DOCK10: variants seen among roughly 807,000 people sequenced by gnomAD.
DOCK10 encodes dedicator of cytokinesis protein 10.
In DOCK10, 145 loss-of-function variants were observed where a neutral mutation model predicts 280.1. The ratio of observed to expected loss-of-function variants is 0.52; its 90% CI spans 0.45 to 0.59. The LOEUF (loss-of-function observed/expected upper bound fraction) is 0.59. Ranked by LOEUF, DOCK10 falls within the 20% of genes least tolerant of loss-of-function variation. The pLI, the probability that DOCK10 is intolerant of heterozygous loss-of-function variation, is 0.00. For synonymous variants in DOCK10, 915 were observed against 942.2 expected, an observed-to-expected ratio of 0.97 and a Z score of 0.53; for missense variants, 2,368 against 2,651.7, an observed-to-expected ratio of 0.89 and a Z score of 2.35.
intron 7 of DOCK10, among the ~76,000 whole-genome samples, chr2:224,884,440 C>T (rs6750856): frequency 0.24 from 36,448 of 152,088 alleles, 6,071 homozygotes; most frequent in African/African-American, 0.48. Flanking sequence ...TGAGCCAGTG[C>T]CATTGTGAAA....
chr2:225,041,164 G>C (rs1198281571), intron 1 of DOCK10, among the ~76,000 whole-genome samples: 4 of 152,170 alleles, frequency 2.6e-5, no homozygotes, highest in Non-Finnish European at 5.9e-5. Flanking sequence ...GTGGGAACTG[G>C]CTCTGGGAAG....
At position 224,959,485 on chromosome 2, in the gene DOCK10, A is replaced by G. The variant is rs1000525405; in HGVS notation, c.124-27817T>C. Among the ~76,000 whole-genome samples the G allele has an allele frequency of 6.0e-5, 8 of 134,092 alleles. No individual in the cohort carries two copies. In the East Asian group the frequency reaches 1.7e-3, roughly 29 times the overall value. 88.0% of individuals were successfully genotyped at this position (134,092 alleles called of 152,430 possible). On this transcript the variant is annotated intron_variant, in intron 1 of 55. Coordinates refer to ENST00000258390, the MANE Select transcript of DOCK10 (RefSeq NM_014689.3). ...AAGTACCACTTAGGCAAGAAAAATG[A>G]TTTTTCAATCAGAGCTCCTCTTTCT...
intron 1 of DOCK10, among the ~76,000 whole-genome samples, chr2:224,931,906 T>A (rs1702407706): frequency 6.6e-6 from 1 of 152,214 alleles, no homozygotes; most frequent in South Asian, 2.1e-4. Context: ...CAAGCTGTTC[T>A]TATTGAGTCC....
At chr2:224,937,853 A>G (rs1445537913) in intron 1 of DOCK10, among the ~76,000 whole-genome samples, 1 of 152,210 alleles carries the variant, frequency 6.6e-6, no homozygotes, top group Non-Finnish European at 1.5e-5. Flanking sequence ...TCTAAAGAAC[A>G]ATCAATGTTG....
intron 19 of DOCK10, among the ~76,000 whole-genome samples, chr2:224,845,992 G>C (rs937227543): frequency 1.3e-5 from 2 of 152,200 alleles, no homozygotes; most frequent in Admixed American, 1.3e-4. Flanking sequence ...CCAAAGTGCT[G>C]GGATTACAGG....
At chr2:224,995,480 C>T (rs964997182) in intron 1 of DOCK10, among the ~76,000 whole-genome samples, 7 of 152,212 alleles carry the variant, frequency 4.6e-5, no homozygotes, top group Admixed American at 3.9e-4. Flanking sequence ...CAATAATACA[C>T]AGGAGGGCCT....
chr2:224,813,267 C>T (rs1236557524), intron 31 of DOCK10, among the ~76,000 whole-genome samples: 1 of 152,202 alleles, frequency 6.6e-6, no homozygotes, highest in Non-Finnish European at 1.5e-5. Flanking sequence ...ACGATCTTGG[C>T]TCACTGTAAC....
At position 224,786,979 on chromosome 2, in the gene DOCK10, G is replaced by T; in HGVS notation, c.5655+43C>A. 2.8e-6 allele frequency: 4 copies of T among 1,412,952 alleles called. No homozygotes were observed. Among genetic ancestry groups the T allele is most frequent in the Non-Finnish European group, 4.0e-6 (4 of 996,726 alleles). The allele number at this position is 1,412,952 out of a possible 1,614,324, so 87.5% of individuals were successfully genotyped here. On this transcript the variant is annotated intron_variant, in intron 50 of 55. Transcript: ENST00000258390. The surrounding 1 kb of genome is among the most constrained non-coding windows in gnomAD (Gnocchi z 4.7). ...AAAGAATGAAAGACAACATTCAACT[G>T]CTCAGCAGAATTTATGGGCCGTGTT... is the stretch of plus-strand genomic sequence containing the variant.
intron 1 of DOCK10, among the ~76,000 whole-genome samples, chr2:224,959,251 A>C (rs1226228258): frequency 2.0e-5 from 3 of 151,540 alleles, no homozygotes; most frequent in Non-Finnish European, 4.4e-5. Context: ...TGTATTCAAC[A>C]TCTATCGCTG....
chr2:224,872,555 C>A (rs1278471287), intron 11 of DOCK10, among the ~76,000 whole-genome samples: 1 of 152,140 alleles, frequency 6.6e-6, no homozygotes, highest in Non-Finnish European at 1.5e-5. Flanking sequence ...CAAAGCAAAT[C>A]ACTGAGGTGC....
chr2:224,796,885 G>T, intron 43 of DOCK10, 79 bp downstream of exon 43: 1 of 1,355,790 alleles, frequency 7.4e-7, no homozygotes, highest in Non-Finnish European at 1.0e-6. Flanking sequence ...GGCTTGCCCT[G>T]AGGACAGTAG....
intron 16 of DOCK10, 128 bp downstream of exon 16, chr2:224,854,835 C>A: frequency 3.2e-6 from 2 of 617,846 alleles, no homozygotes; most frequent in Non-Finnish European, 5.5e-6. Flanking sequence ...AAACCCAAAA[C>A]CTTGTAACCA....
At position 224,976,370 on chromosome 2, in the gene DOCK10, C is replaced by T. The variant is rs186010865; in HGVS notation, c.124-44702G>A. On this transcript the variant is annotated intron_variant, in intron 1 of 55. Coordinates refer to ENST00000258390, the MANE Select transcript of DOCK10 (RefSeq NM_014689.3). ...TACCTGTGTAACAAACCTGCACGTT[C>T]TGCACATGCATCCCAGAACTTAAAG... 5.5e-3 allele frequency among the ~76,000 whole-genome samples: 833 copies of T among 152,288 alleles called. 7 individuals carry two copies. Among genetic ancestry groups the T allele is most frequent in the African/African-American group, 0.019 (772 of 41,562 alleles).
chr2:224,954,045 A>G (rs1559855542), intron 1 of DOCK10, among the ~76,000 whole-genome samples: 1 of 152,198 alleles, frequency 6.6e-6, no homozygotes, highest in Non-Finnish European at 1.5e-5. Flanking sequence ...GCATTAAAAT[A>G]ACATAGTACT....
intron 47 of DOCK10, among the ~76,000 whole-genome samples, chr2:224,792,611 A>G (rs1173991835): frequency 6.6e-6 from 1 of 152,172 alleles, no homozygotes; most frequent in Non-Finnish European, 1.5e-5. Context: ...AAACAGTTTT[A>G]TTACATTTAA....
chr2:225,007,582 T>C (rs2126293078), intron 1 of DOCK10, among the ~76,000 whole-genome samples: 1 of 152,302 alleles, frequency 6.6e-6, no homozygotes, highest in South Asian at 2.1e-4. Context: ...TGGGCATCAA[T>C]ATAAACCAAC....
Position 224,807,698 on chromosome 2 carries a change from C to G in DOCK10, c.3672G>C (p.Leu1224=). Residue 1224 remains leucine (L), a synonymous_variant, in exon 33 of 56, where the codon CTG becomes CTC. Coordinates refer to ENST00000258390, the MANE Select transcript of DOCK10 (RefSeq NM_014689.3). ...DNMPRIYLKD[L]YPFTVNTSNQ... ...TAGATGTATTGACAGTAAAAGGATA[C>G]AGGTCCTTCAGATAAATCCTTGGCA... 1 of 1,568,998 alleles carries G rather than the reference C, an allele frequency of 6.4e-7. No homozygotes were observed. The highest frequency in any genetic ancestry group is 1.2e-5 in the South Asian group (1 of 85,556).
In DOCK10 at chr2:224,805,098, C is replaced by A. The variant is rs750770272; in HGVS notation, c.4078G>T (p.Ala1360Ser). 1.9e-6 allele frequency: 3 copies of A among 1,611,756 alleles called. No individual in the cohort carries two copies. The highest frequency in any genetic ancestry group is 1.7e-6 in the Non-Finnish European group (2 of 1,178,944). Residue 1360 changes from alanine (A) to serine (S), a missense_variant, in exon 37 of 56, where the codon GCT (alanine) becomes TCT (serine). This residue lies in a region of DOCK10 where 1,159 missense variants were observed against 1,400.8 expected (regional missense o/e 0.83). Transcript: ENST00000258390. The surrounding 1 kb of genome is among the most constrained non-coding windows in gnomAD (Gnocchi z 4.3). The part of the protein sequence containing the change: ...YETLIAYWQR[A>S]PSPEVSDFFS... The stretch of plus-strand genomic sequence containing the variant: ...AAGTCGGACACCTCTGGGCTGGGAG[C>A]TCTCTGCCAGTAGGCAATCAGAGTC...
At position 224,931,058 on chromosome 2, in the gene DOCK10, G is replaced by A. The variant is rs1702337702; in HGVS notation, c.243+491C>T. On this transcript the variant is annotated intron_variant, in intron 2 of 55. Transcript: ENST00000258390. ...TATCTGAGACCGCCAATCTCTCCATGAAGATGTTCTAGCCTACCTTTCTTT... is the reference window on the plus strand; with the variant it reads ...TATCTGAGACCGCCAATCTCTCCATAAAGATGTTCTAGCCTACCTTTCTTT... Among the ~76,000 whole-genome samples, 4 of 152,194 alleles carry A rather than the reference G, an allele frequency of 2.6e-5. No homozygotes were observed. In the South Asian group the frequency reaches 8.3e-4, roughly 31 times the overall value.
Sources: allele counts gnomAD v4.1 joint callset (sites outside exome capture counted in the v4.1 genomes callset), GRCh38; gene constraint gnomAD v4.1.1; regional missense constraint gnomAD v4.1.1; non-coding constraint Gnocchi (gnomAD v3.1); transcripts MANE v1.5; gene names NCBI Gene and HGNC (gene_info 2026-07-23, HGNC 2026-07-21).